NALF1: variants seen among roughly 807,000 people sequenced by gnomAD.
NALF1 encodes NALCN channel auxiliary factor 1, also known as family with sequence similarity 155 member A.
NALF1 carries 3 observed loss-of-function variants against 48.4 expected under a neutral mutation model. The ratio of observed to expected loss-of-function variants is 0.06; its 90% CI spans 0.03 to 0.16. The LOEUF is 0.16. Ranked by LOEUF, NALF1 falls within the 10% of genes least tolerant of loss-of-function variation. The probability of loss-of-function intolerance (pLI) is 1.00; values close to 1 mark genes in which losing one functional copy is unlikely to be tolerated. For synonymous variants in NALF1, 262 were observed against 245.7 expected, an observed-to-expected ratio of 1.07 and a Z score of -0.62; for missense variants, 526 against 571.5, an observed-to-expected ratio of 0.92 and a Z score of 0.81.
At chr13:107,854,737 G>A (rs1214739046) in intron 1 of NALF1, among the ~76,000 whole-genome samples, 5 of 151,986 alleles carry the variant, frequency 3.3e-5, no homozygotes, top group Non-Finnish European at 5.9e-5. Context: ...AGCCACGCAC[G>A]GTGGTGTGCA....
At chr13:107,399,639 C>A (rs1359492006) in intron 1 of NALF1, among the ~76,000 whole-genome samples, 1 of 152,050 alleles carries the variant, frequency 6.6e-6, no homozygotes, top group South Asian at 2.1e-4. Flanking sequence ...CCTTGGTTTC[C>A]CATTTCCTAA....
At chr13:107,207,827 A>G (rs1402517317) in intron 2 of NALF1, among the ~76,000 whole-genome samples, 1 of 152,030 alleles carries the variant, frequency 6.6e-6, no homozygotes, top group African/African-American at 2.4e-5. Flanking sequence ...TTTATTTTTA[A>G]TTTTTTGTAG....
chr13:107,430,202 A>T (rs556546239), intron 1 of NALF1, among the ~76,000 whole-genome samples: 2 of 152,338 alleles, frequency 1.3e-5, no homozygotes, highest in South Asian at 4.1e-4. Flanking sequence ...GTTGGAATAT[A>T]ATAGTGAAAA....
chr13:107,198,550 G>C (rs529836650), intron 2 of NALF1, among the ~76,000 whole-genome samples: 414 of 152,158 alleles, frequency 2.7e-3, no homozygotes, highest in African/African-American at 8.7e-3. Flanking sequence ...TGCAGAATTC[G>C]CCTTCATACA....
chr13:107,608,826 C>T (rs546267546), intron 1 of NALF1, among the ~76,000 whole-genome samples: 5 of 152,284 alleles, frequency 3.3e-5, no homozygotes, highest in South Asian at 2.1e-4. Context: ...AGACCCAGCC[C>T]GCAGAGATGG....
intron 1 of NALF1, among the ~76,000 whole-genome samples, chr13:107,342,242 T>C (rs182018725): frequency 8.4e-4 from 128 of 152,310 alleles, no homozygotes; most frequent in African/African-American, 3.1e-3. Context: ...CAAGAGCTAA[T>C]GGAGACAATT....
intron 1 of NALF1, among the ~76,000 whole-genome samples, chr13:107,844,273 G>A (rs997829080): frequency 6.6e-6 from 1 of 151,832 alleles, no homozygotes; most frequent in Non-Finnish European, 1.5e-5. Flanking sequence ...AACTATACAA[G>A]AGAATCTTAT....
chr13:107,286,560 C>A (rs1359549614), intron 1 of NALF1, among the ~76,000 whole-genome samples: 2 of 137,172 alleles, frequency 1.5e-5, no homozygotes, highest in Admixed American at 8.2e-5. Flanking sequence ...TGGCTCGAGG[C>A]TGGGTGACAG....
intron 1 of NALF1, among the ~76,000 whole-genome samples, chr13:107,428,156 G>A (rs1191429489): frequency 3.9e-5 from 6 of 152,146 alleles, no homozygotes; most frequent in Non-Finnish European, 8.8e-5. Flanking sequence ...CTAGCAAGTG[G>A]TGTTTCCCAT....
intron 1 of NALF1, among the ~76,000 whole-genome samples, chr13:107,690,423 A>G (rs1004639405): frequency 6.6e-6 from 1 of 152,198 alleles, no homozygotes; most frequent in African/African-American, 2.4e-5. Context: ...TTCCCCAGGG[A>G]GAATTCAATG....
chr13:107,255,451 C>G, intron 1 of NALF1, among the ~76,000 whole-genome samples: 1 of 152,176 alleles, frequency 6.6e-6, no homozygotes, highest in East Asian at 1.9e-4. Flanking sequence ...CCCAAATTAA[C>G]AGCCGGACCC....
At chr13:107,403,069 A>G (rs1883835964) in intron 1 of NALF1, among the ~76,000 whole-genome samples, 1 of 151,590 alleles carries the variant, frequency 6.6e-6, no homozygotes, top group African/African-American at 2.4e-5. Flanking sequence ...GGATGTCCAC[A>G]GGCCTGGTGA....
chr13:107,464,997 T>TC (rs144141650), intron 1 of NALF1, among the ~76,000 whole-genome samples: 4,238 of 152,262 alleles, frequency 0.028, 200 homozygotes, highest in African/African-American at 0.097. Context: ...TCATTTTTTT[T>TC]CACTATTGAT....
intron 1 of NALF1, among the ~76,000 whole-genome samples, chr13:107,696,069 G>T (rs1881694811): frequency 2.0e-5 from 3 of 152,036 alleles, no homozygotes; most frequent in Non-Finnish European, 4.4e-5. Context: ...GCTAATTTTT[G>T]TATTTTTAGT....
chr13:107,375,365 T>C (rs1883318619), intron 1 of NALF1, among the ~76,000 whole-genome samples: 1 of 152,200 alleles, frequency 6.6e-6, no homozygotes, highest in African/African-American at 2.4e-5. Context: ...TATTTTAATA[T>C]TTTTTCATGT....
chr13:107,205,714 T>C (rs1291158952), intron 2 of NALF1, among the ~76,000 whole-genome samples: 2 of 152,204 alleles, frequency 1.3e-5, no homozygotes, highest in East Asian at 3.9e-4. Flanking sequence ...AACTTTTACT[T>C]TTATTCCTTC....
chr13:107,658,962 C>T (rs1218023502), intron 1 of NALF1, among the ~76,000 whole-genome samples: 1 of 152,050 alleles, frequency 6.6e-6, no homozygotes, highest in Non-Finnish European at 1.5e-5. Flanking sequence ...CATTATTCCA[C>T]CTGCTCCATA....
At chr13:107,556,196 G>C in intron 1 of NALF1, among the ~76,000 whole-genome samples, 1 of 150,760 alleles carries the variant, frequency 6.6e-6, no homozygotes, top group Non-Finnish European at 1.5e-5. Context: ...ATGGGGTATT[G>C]GACACAGATG....
chr13:107,381,053 A>G (rs1883429522), intron 1 of NALF1, among the ~76,000 whole-genome samples: 1 of 149,846 alleles, frequency 6.7e-6, no homozygotes, highest in Admixed American at 6.7e-5. Context: ...TGTAAAATAA[A>G]AAGTAAATAT....
Sources: allele counts gnomAD v4.1 joint callset (sites outside exome capture counted in the v4.1 genomes callset), GRCh38; gene constraint gnomAD v4.1.1; transcripts MANE v1.5; gene names NCBI Gene and HGNC (gene_info 2026-07-23, HGNC 2026-07-21).